MYO1D: variants seen among roughly 807,000 people sequenced by gnomAD.
MYO1D encodes myosin ID.
MYO1D carries 83 observed loss-of-function variants against 122.0 expected under a neutral mutation model. That is an observed-to-expected ratio of 0.68 (90% CI 0.57 to 0.82). The LOEUF is 0.82. Among genes scored for constraint, MYO1D ranks in the 40% least tolerant of loss-of-function variants. The pLI, the probability that MYO1D is intolerant of heterozygous loss-of-function variation, is 0.00. For missense variants in MYO1D, 1,157 were observed against 1,269.5 expected (o/e 0.91, Z 1.35); for synonymous variants, 464 against 446.9 (o/e 1.04, Z -0.48).
At chr17:32,852,267 G>A (rs772385977) in intron 1 of MYO1D, among the ~76,000 whole-genome samples, 3 of 152,116 alleles carry the variant, frequency 2.0e-5, no homozygotes, top group South Asian at 2.1e-4. Context: ...CTGGGACTAC[G>A]GGCACATGCT....
At position 32,667,399 on chromosome 17, in the gene MYO1D, A is replaced by C. The variant is rs919803617; in HGVS notation, c.2122-8061T>G. On this transcript the variant is annotated intron_variant, in intron 16 of 21. Transcript: ENST00000318217. ...CCGGACTAGCAGGTTAATATGTAAC[A>C]AGAAGAAAATATAATCCAGTGAATA... is the stretch of plus-strand genomic sequence containing the variant. 3.3e-5 allele frequency among the ~76,000 whole-genome samples: 5 copies of C among 152,366 alleles called. No individual in the cohort carries two copies. In the East Asian group the frequency reaches 9.6e-4, roughly 29 times the overall value.
intron 13 of MYO1D, among the ~76,000 whole-genome samples, chr17:32,743,367 T>C (rs2089794194): frequency 6.6e-6 from 1 of 152,174 alleles, no homozygotes; most frequent in Admixed American, 6.5e-5. Context: ...GTATCCAAAA[T>C]GCACTTCAGA....
intron 6 of MYO1D, among the ~76,000 whole-genome samples, chr17:32,768,511 A>G (rs1224304328): frequency 6.6e-6 from 1 of 152,178 alleles, no homozygotes; most frequent in African/African-American, 2.4e-5. Context: ...TTCTTTCCTC[A>G]GTAAGTTTCT....
rs372720145 is a variant in MYO1D at position 32,495,135 on chromosome 17, C to T, written c.2865-220G>A. 2.7e-4 allele frequency among the ~76,000 whole-genome samples: 41 copies of T among 152,312 alleles called. No individual in the cohort carries two copies. In the East Asian group the frequency reaches 3.7e-3, roughly 14 times the overall value. On this transcript the variant is annotated intron_variant, in intron 21 of 21. Coordinates refer to ENST00000318217, the MANE Select transcript of MYO1D (RefSeq NM_015194.3). ...GGCACCATGGCAGGGCCCTTGGCTC[C>T]CATGCCAGCGCATGGGACTGGACAG... is the stretch of plus-strand genomic sequence containing the variant.
chr17:32,674,390 T>C (rs542338228), intron 16 of MYO1D, among the ~76,000 whole-genome samples: 2 of 152,308 alleles, frequency 1.3e-5, no homozygotes, highest in South Asian at 4.1e-4. Context: ...TGTTCCAAAG[T>C]AGACATGGAA....
At chr17:32,771,289 T>A in intron 5 of MYO1D, 69 bp from the exon 6 acceptor site, 1 of 1,084,286 alleles carries the variant, frequency 9.2e-7, no homozygotes, top group Non-Finnish European at 1.4e-6. Flanking sequence ...TTAGTGGTAA[T>A]CTAGCTTTTA....
Position 32,864,007 on chromosome 17 carries a change from C to CTTTTTTTTTTTTTTTTTT in MYO1D, c.95+12753_95+12770dup, listed in dbSNP as rs560953120. 2.2e-4 allele frequency among the ~76,000 whole-genome samples: 11 copies of CTTTTTTTTTTTTTTTTTT among 48,960 alleles called. 3 individuals carry two copies. Among genetic ancestry groups the CTTTTTTTTTTTTTTTTTT allele is most frequent in the Non-Finnish European group, 2.8e-4 (8 of 28,654 alleles). The allele number at this position is 48,960 out of a possible 152,430, so 32.1% of individuals were successfully genotyped here. A position where few individuals can be genotyped will look rare whatever the true frequency, so the allele number is the denominator to read the frequency against. ...TAATTTTGGTTACAAACATTTCTTC[C>CTTTTTTTTTTTTTTTTTT]TTTTTTTTTTTTTTTTTTTTTTTTT... On this transcript the variant is annotated intron_variant, in intron 1 of 21. Transcript: ENST00000318217.
intron 1 of MYO1D, among the ~76,000 whole-genome samples, chr17:32,848,292 G>T (rs1161042720): frequency 6.6e-6 from 1 of 152,172 alleles, no homozygotes; most frequent in African/African-American, 2.4e-5. Context: ...TTATGTAGGA[G>T]ACCCTCCTTG....
At chr17:32,838,485 G>C (rs1024357259) in intron 1 of MYO1D, among the ~76,000 whole-genome samples, 8 of 152,144 alleles carry the variant, frequency 5.3e-5, no homozygotes, top group Admixed American at 2.6e-4. Context: ...ACGAGACATA[G>C]TGACTAGATA....
chr17:32,749,125 G>T, intron 11 of MYO1D, 119 bp from the exon 12 acceptor site: 1 of 901,596 alleles, frequency 1.1e-6, no homozygotes, highest in Non-Finnish European at 1.7e-6. Flanking sequence ...ATTGTGTGGG[G>T]CTTGATTTAA....
At chr17:32,679,150 T>C (rs1487213123) in intron 16 of MYO1D, among the ~76,000 whole-genome samples, 1 of 152,136 alleles carries the variant, frequency 6.6e-6, no homozygotes, top group Non-Finnish European at 1.5e-5. Flanking sequence ...ATGTAGATTC[T>C]GGATATTAGC....
chr17:32,550,477 A>T (rs1567886378), intron 21 of MYO1D, among the ~76,000 whole-genome samples: 1 of 152,140 alleles, frequency 6.6e-6, no homozygotes, highest in Non-Finnish European at 1.5e-5. Context: ...CTGTCTCATG[A>T]TCTAACCTGT....
intron 16 of MYO1D, among the ~76,000 whole-genome samples, chr17:32,673,090 C>CCTTTTT (rs2088745716): frequency 3.5e-5 from 1 of 28,628 alleles, no homozygotes; most frequent in Non-Finnish European, 8.5e-5. Flanking sequence ...AAACATGCTA[C>CCTTTTT]TTTTTTTTTT....
intron 14 of MYO1D, among the ~76,000 whole-genome samples, chr17:32,737,806 G>A (rs1567617782): frequency 6.6e-6 from 1 of 152,174 alleles, no homozygotes; most frequent in Non-Finnish European, 1.5e-5. Flanking sequence ...ACAGCCTAAG[G>A]ACAATACTTG....
At chr17:32,730,899 C>T (rs1025230321) in intron 14 of MYO1D, among the ~76,000 whole-genome samples, 4 of 145,054 alleles carry the variant, frequency 2.8e-5, no homozygotes, top group Non-Finnish European at 6.0e-5. Context: ...TTCTCTTCCA[C>T]GTGTCTTTTT....
At chr17:32,513,316 G>T (rs1909759879) in intron 21 of MYO1D, among the ~76,000 whole-genome samples, 1 of 152,240 alleles carries the variant, frequency 6.6e-6, no homozygotes, top group Non-Finnish European at 1.5e-5. Context: ...CAAGAGTGGG[G>T]TCCCGCTGGA....
chr17:32,585,482 C>A (rs1352309272), intron 21 of MYO1D, among the ~76,000 whole-genome samples: 1 of 152,086 alleles, frequency 6.6e-6, no homozygotes, highest in Non-Finnish European at 1.5e-5. Context: ...GTAATCCGAG[C>A]ACTTTGACAG....
intron 21 of MYO1D, among the ~76,000 whole-genome samples, chr17:32,573,315 C>T (rs1170875638): frequency 6.6e-6 from 1 of 152,198 alleles, no homozygotes; most frequent in East Asian, 1.9e-4. Flanking sequence ...CCGCATTTCA[C>T]AGGTACCAAT....
intron 1 of MYO1D, among the ~76,000 whole-genome samples, chr17:32,792,010 T>G (rs1377663802): frequency 6.6e-6 from 1 of 152,216 alleles, no homozygotes; most frequent in Non-Finnish European, 1.5e-5. Context: ...AAGTCTCATG[T>G]AAGTAGATAG....
Sources: gnomAD v4.1 joint callset for allele counts (sites outside exome capture counted in the v4.1 genomes callset) on GRCh38, gnomAD v4.1.1 for gene constraint, MANE v1.5 for transcripts, NCBI Gene and HGNC (gene_info 2026-07-23, HGNC 2026-07-21) for gene names.